MID1: variants seen among roughly 807,000 people sequenced by gnomAD.
MID1 encodes midline 1.
In MID1, 7 loss-of-function variants were observed where a neutral mutation model predicts 40.4. The observed-to-expected ratio is 0.17, with a 90% CI of 0.10 to 0.33. The LOEUF is 0.33. Among genes scored for constraint, MID1 ranks in the 10% least tolerant of loss-of-function variants. The pLI is 1.00. For missense variants in MID1, 367 were observed against 558.5 expected, an observed-to-expected ratio of 0.66 and a Z score of 3.46; for synonymous variants, 229 against 221.2, an observed-to-expected ratio of 1.04 and a Z score of -0.31.
rs140799840 is a variant in MID1 at position 10,793,141 on chromosome X, G to A, written c.-187+40413C>T. On this transcript the variant is annotated intron_variant, in intron 1 of 10. Transcript: ENST00000380785. Reference sequence around the variant, plus strand: ...ATTATGTCTTGAGAGCAATTAAAAGGTAATATTTTGCCTTCCCACATCTGT... The same window carrying A: ...ATTATGTCTTGAGAGCAATTAAAAGATAATATTTTGCCTTCCCACATCTGT... Among the ~76,000 whole-genome samples the A allele has an allele frequency of 7.1e-3, 798 of 112,327 alleles. 6 individuals carry two copies. The highest frequency in any genetic ancestry group is 0.025 in the African/African-American group (763 of 30,926).
intron 1 of MID1, among the ~76,000 whole-genome samples, chrX:10,790,414 C>T (rs2043921518): frequency 9.0e-6 from 1 of 110,671 alleles, no homozygotes; most frequent in African/African-American, 3.3e-5. Flanking sequence ...GCTGTGTGCC[C>T]CATCCCCATG....
At chrX:10,707,196 G>C (rs1260450191) in intron 1 of MID1, among the ~76,000 whole-genome samples, 2 of 111,980 alleles carry the variant, frequency 1.8e-5, no homozygotes, top group African/African-American at 6.5e-5. Flanking sequence ...CAGGTCTTCT[G>C]AGAGGCTTCC....
intron 1 of MID1, among the ~76,000 whole-genome samples, chrX:10,738,798 C>T (rs985666893): frequency 9.1e-6 from 1 of 110,310 alleles, no homozygotes; most frequent in African/African-American, 3.3e-5. Context: ...TTTTATCTGG[C>T]AGACATAGTT....
At chrX:10,644,345 C>A (rs1013805483) in intron 1 of MID1, among the ~76,000 whole-genome samples, 4 of 109,985 alleles carry the variant, frequency 3.6e-5, no homozygotes, top group Non-Finnish European at 5.7e-5. Context: ...AAGTGTGGTG[C>A]TTAAATTTCA....
At chrX:10,467,553 G>A (rs981571880) in intron 7 of MID1, among the ~76,000 whole-genome samples, 6 of 111,866 alleles carry the variant, frequency 5.4e-5, no homozygotes, top group Non-Finnish European at 9.4e-5. Flanking sequence ...TTCTGCCTCA[G>A]TGAATTACTA....
In MID1 at chrX:10,627,386, C is replaced by G. The variant is rs1454477864; in HGVS notation, c.-186-6967G>C. 2.7e-5 allele frequency among the ~76,000 whole-genome samples: 3 copies of G among 112,015 alleles called. No individual in the cohort carries two copies. In the East Asian group the frequency reaches 8.4e-4, roughly 31 times the overall value. ...TTGTTCAAGGCTTATGATAGTTTTT[C>G]CACATGTAACCAGAGATACATATAG... On this transcript the variant is annotated intron_variant, in intron 1 of 10. Transcript: ENST00000380785.
intron 1 of MID1, among the ~76,000 whole-genome samples, chrX:10,587,342 C>T (rs188843985): frequency 2.1e-4 from 24 of 112,992 alleles, no homozygotes; most frequent in Admixed American, 1.7e-3. Context: ...TTAAGCTCAT[C>T]GCATCCCTTC....
At chrX:10,778,632 G>A (rs957751012) in intron 1 of MID1, among the ~76,000 whole-genome samples, 1 of 112,232 alleles carries the variant, frequency 8.9e-6, no homozygotes, top group Admixed American at 9.4e-5. Flanking sequence ...CAGGAAGGTC[G>A]GGGTAGAGAA....
chrX:10,802,940 C>T (rs1453753290), intron 1 of MID1, among the ~76,000 whole-genome samples: 1 of 111,527 alleles, frequency 9.0e-6, no homozygotes, highest in East Asian at 2.8e-4. Flanking sequence ...AACCAAATAC[C>T]ACATGTTCTC....
intron 1 of MID1, among the ~76,000 whole-genome samples, chrX:10,608,193 G>A (rs1270194931): frequency 8.9e-6 from 1 of 112,190 alleles, no homozygotes; most frequent in African/African-American, 3.2e-5. Context: ...AATACGCTTT[G>A]GCAGTTTCTT....
chrX:10,585,692 G>C (rs1602439022), intron 1 of MID1, among the ~76,000 whole-genome samples: 1 of 111,137 alleles, frequency 9.0e-6, no homozygotes, highest in Non-Finnish European at 1.9e-5. Flanking sequence ...CACTGGTACA[G>C]GAAGGGCCAC....
intron 2 of MID1, among the ~76,000 whole-genome samples, chrX:10,527,332 A>G (rs1003807581): frequency 9.0e-6 from 1 of 110,751 alleles, no homozygotes. Context: ...TCCCAGCTGG[A>G]CTCTCTTCGG....
chrX:10,563,959 T>C (rs753931215), intron 2 of MID1, among the ~76,000 whole-genome samples: 2 of 112,815 alleles, frequency 1.8e-5, no homozygotes, highest in South Asian at 3.6e-4. Flanking sequence ...TGCAAGAAAT[T>C]ATTCTTCATA....
At chrX:10,502,158 A>G (rs919361523) in intron 3 of MID1, among the ~76,000 whole-genome samples, 3 of 112,096 alleles carry the variant, frequency 2.7e-5, no homozygotes, top group Non-Finnish European at 1.9e-5. Context: ...TAAAATCTTT[A>G]GAAATATTTG....
chrX:10,475,118 A>C, intron 5 of MID1: 2 of 336,747 alleles, frequency 5.9e-6, no homozygotes, highest in Non-Finnish European at 5.8e-6. Context: ...TTCTTCACAC[A>C]TCTGTCTGGG....
At chrX:10,516,560 T>TGTGTGTG (rs1932427244) in intron 3 of MID1, among the ~76,000 whole-genome samples, 13 of 73,364 alleles carry the variant, frequency 1.8e-4, no homozygotes, top group African/African-American at 2.3e-4. Flanking sequence ...TACTCTGCTC[T>TGTGTGTG]TGTGTGTGTG....
At chrX:10,717,691 C>T (rs1186264305) in intron 1 of MID1, among the ~76,000 whole-genome samples, 104 of 109,783 alleles carry the variant, frequency 9.5e-4, no homozygotes, top group African/African-American at 3.3e-3. Context: ...CTGCACCAAG[C>T]GGACCTAATA....
At chrX:10,659,814 G>A (rs1291713851) in intron 1 of MID1, among the ~76,000 whole-genome samples, 1 of 111,827 alleles carries the variant, frequency 8.9e-6, no homozygotes, top group East Asian at 2.8e-4. Context: ...TTTGGACAAT[G>A]CCATTGAGTG....
chrX:10,643,369 C>T (rs1277887463), intron 1 of MID1, among the ~76,000 whole-genome samples: 27 of 111,952 alleles, frequency 2.4e-4, no homozygotes, highest in African/African-American at 8.2e-4. Context: ...TGAACAGACA[C>T]TTCTCAAAAG....
Sources: allele counts gnomAD v4.1 joint callset (sites outside exome capture counted in the v4.1 genomes callset), GRCh38; gene constraint gnomAD v4.1.1; transcripts MANE v1.5; gene names NCBI Gene and HGNC (gene_info 2026-07-23, HGNC 2026-07-21).